Variants in CACNA1C observed in about 807,000 individuals in gnomAD.
The protein encoded by CACNA1C is calcium voltage-gated channel subunit alpha1 C, also known as voltage-dependent L-type calcium channel subunit alpha-1C.
A neutral mutation model predicts 229.0 loss-of-function variants in CACNA1C; 30 were observed. The ratio of observed to expected loss-of-function variants is 0.13; its 90% confidence interval spans 0.10 to 0.18. CACNA1C has a LOEUF of 0.18. Ranked by LOEUF, CACNA1C falls within the 10% of genes least tolerant of loss-of-function variation. CACNA1C has a pLI of 1.00. For synonymous variants in CACNA1C, 1,114 were observed against 1,132.5 expected, an observed-to-expected ratio of 0.98 and a Z score of 0.33; for missense variants, 1,658 against 2,845.0, an observed-to-expected ratio of 0.58 and a Z score of 9.49.
At chr12:2,160,529 C>T (rs901610767) in intron 3 of CACNA1C, among the ~76,000 whole-genome samples, 3 of 152,154 alleles carry the variant, frequency 2.0e-5, no homozygotes, top group Admixed American at 6.5e-5. Flanking sequence ...ATTTGAGATC[C>T]AGTAGTTTGC....
At chr12:2,116,589 G>A (rs144382807) in intron 2 of CACNA1C, among the ~76,000 whole-genome samples, 146 of 152,122 alleles carry the variant, frequency 9.6e-4, no homozygotes, top group Middle Eastern at 3.4e-3. Context: ...GGATGGTCTC[G>A]ATCTCCTAAC....
At chr12:2,177,587 C>CCCTCCCTCCCTCCCTCCTTCCTTCCTT (rs750852324) in intron 3 of CACNA1C, among the ~76,000 whole-genome samples, 52 of 78,508 alleles carry the variant, frequency 6.6e-4, no homozygotes, top group South Asian at 2.5e-3. Context: ...CTCCCTCCCT[C>CCCTCCCTCCCTCCCTCCTTCCTTCCTT]CCTTCCTTCC....
At chr12:2,476,166 C>T (rs2099626977) in intron 5 of CACNA1C, among the ~76,000 whole-genome samples, 1 of 152,176 alleles carries the variant, frequency 6.6e-6, no homozygotes, top group Non-Finnish European at 1.5e-5. Context: ...GCAATCACTT[C>T]CAATGGATTA....
In CACNA1C at chr12:2,649,753, C is replaced by T. The variant is rs976167404; in HGVS notation, c.3945+1246C>T. 2.0e-5 allele frequency among the ~76,000 whole-genome samples: 3 copies of T among 151,620 alleles called. No homozygotes were observed. Among genetic ancestry groups the T allele is most frequent in the African/African-American group, 7.3e-5 (3 of 40,976 alleles). On this transcript the variant is annotated intron_variant, in intron 31 of 46. Coordinates refer to ENST00000399655, the MANE Select transcript of CACNA1C (RefSeq NM_000719.7). The surrounding 1 kb of genome is among the most constrained non-coding windows in gnomAD (Gnocchi z 4.4). ...GCCCCTGTGGCACCAACTTCTCAAACTCTTGACACTTGCAGCTAAAGTTCT... is the reference window on the plus strand; with the variant it reads ...GCCCCTGTGGCACCAACTTCTCAAATTCTTGACACTTGCAGCTAAAGTTCT...
At chr12:2,427,835 G>T (rs1488685615) in intron 3 of CACNA1C, among the ~76,000 whole-genome samples, 1 of 152,080 alleles carries the variant, frequency 6.6e-6, no homozygotes, top group Non-Finnish European at 1.5e-5. Context: ...GGCCAGGCTG[G>T]TCTTGAACTC....
At chr12:2,057,681 A>G (rs925038054) in intron 1 of CACNA1C, among the ~76,000 whole-genome samples, 1 of 152,160 alleles carries the variant, frequency 6.6e-6, no homozygotes, top group African/African-American at 2.4e-5. Context: ...CTCTTCCCAC[A>G]GACGTCTGTT....
rs114251549 is a variant in CACNA1C, at chr12:2,193,435, A to G, written c.477+73005A>G. Among the ~76,000 whole-genome samples the G allele has an allele frequency of 2.1e-3, 319 of 151,792 alleles. 1 individual carries two copies. Among genetic ancestry groups the G allele is most frequent in the African/African-American group, 7.4e-3 (306 of 41,408 alleles). On this transcript the variant is annotated intron_variant, in intron 3 of 46. Coordinates refer to ENST00000399655, the MANE Select transcript of CACNA1C (RefSeq NM_000719.7). ...GCACCATTGAACTCCAGCCTGGGCA[A>G]TCGAGCTAGACCCTGTCTCAAAAAA...
intron 3 of CACNA1C, among the ~76,000 whole-genome samples, chr12:2,180,507 G>A (rs141176813): frequency 3.9e-5 from 6 of 152,324 alleles, no homozygotes; most frequent in Admixed American, 6.5e-5. Flanking sequence ...GATCTTCTCT[G>A]CTCAAAGATA....
chr12:2,100,826 A>T (rs1266788497), intron 1 of CACNA1C, among the ~76,000 whole-genome samples: 2 of 150,934 alleles, frequency 1.3e-5, no homozygotes, highest in South Asian at 2.1e-4. Flanking sequence ...GCCAAGGTGG[A>T]TGGATTGCTT....
At chr12:2,264,412 G>A (rs913387491) in intron 3 of CACNA1C, among the ~76,000 whole-genome samples, 8 of 152,232 alleles carry the variant, frequency 5.3e-5, no homozygotes, top group African/African-American at 1.9e-4. Context: ...GACAAGAACT[G>A]CAGAAAGCAT....
chr12:2,320,364 AT>A (rs1343663706), intron 3 of CACNA1C, among the ~76,000 whole-genome samples: 1 of 152,228 alleles, frequency 6.6e-6, no homozygotes, highest in Non-Finnish European at 1.5e-5. Context: ...ATGTATGCAT[AT>A]TTTAGCAAAA....
At chr12:2,652,942 G>T (rs1050138819) in intron 32 of CACNA1C, among the ~76,000 whole-genome samples, 2 of 152,260 alleles carry the variant, frequency 1.3e-5, no homozygotes, top group African/African-American at 4.8e-5. Context: ...CCGGGTGACT[G>T]CGAGGGCCTG....
chr12:2,185,830 C>T (rs1398210265), intron 3 of CACNA1C, among the ~76,000 whole-genome samples: 2 of 152,196 alleles, frequency 1.3e-5, no homozygotes, highest in African/African-American at 4.8e-5. Context: ...GTGTCACTCA[C>T]CCTTCCTCCT....
rs956139704 is a variant in CACNA1C at position 2,346,399 on chromosome 12, A to C, written c.478-102577A>C. On this transcript the variant is annotated intron_variant, in intron 3 of 46. Transcript: ENST00000399655. This position sits in a 1 kb window ranked among gnomAD's most constrained non-coding sequence, Gnocchi z 4.4. ...GTGTCTATGTCTGTGTTTGGGCAAG[A>C]CTGTGTTCCACCCCCTTCCCCAGGC... is the stretch of plus-strand genomic sequence containing the variant. Among the ~76,000 whole-genome samples, 12 of 151,994 alleles carry C rather than the reference A, an allele frequency of 7.9e-5. No homozygotes were observed.
At chr12:2,660,566 C>G (rs2153690386) in intron 34 of CACNA1C, 1 of 152,174 alleles carries the variant, frequency 6.6e-6, no homozygotes, top group South Asian at 2.1e-4. Flanking sequence ...TGGCTCACAC[C>G]TGTAATCCTA....
At chr12:2,092,481 C>T (rs1172122457) in intron 1 of CACNA1C, among the ~76,000 whole-genome samples, 1 of 152,100 alleles carries the variant, frequency 6.6e-6, no homozygotes, top group Non-Finnish European at 1.5e-5. Context: ...AGGGAAGGAG[C>T]CTCGCACCCT....
chr12:2,306,443 G>C (rs1215330734), intron 3 of CACNA1C, among the ~76,000 whole-genome samples: 1 of 152,196 alleles, frequency 6.6e-6, no homozygotes, highest in East Asian at 1.9e-4. Flanking sequence ...ATGCCTCATA[G>C]CTAGTTTGAA....
intron 3 of CACNA1C, among the ~76,000 whole-genome samples, chr12:2,123,220 C>CA (rs1377677142): frequency 3.3e-5 from 5 of 151,940 alleles, no homozygotes; most frequent in South Asian, 2.1e-4. Context: ...ACTAAAAATA[C>CA]AAAAAATTAG....
At chr12:2,080,328 G>A (rs557328274) in intron 1 of CACNA1C, among the ~76,000 whole-genome samples, 6 of 151,764 alleles carry the variant, frequency 4.0e-5, no homozygotes, top group East Asian at 2.0e-4. Context: ...ATGGCCGGGC[G>A]TGGTGGCCCA....
Sources: gnomAD v4.1 joint callset for allele counts (sites outside exome capture counted in the v4.1 genomes callset) on GRCh38, gnomAD v4.1.1 for gene constraint, Gnocchi (gnomAD v3.1) non-coding constraint, MANE v1.5 for transcripts, NCBI Gene and HGNC (gene_info 2026-07-23, HGNC 2026-07-21) for gene names.